Variants in SYTL3 observed in about 807,000 individuals in gnomAD.
The protein encoded by SYTL3 is synaptotagmin-like protein 3.
Under a neutral mutation model 82.1 loss-of-function variants are expected in SYTL3, and 88 were observed. The observed-to-expected ratio is 1.07, with a 90% CI of 0.90 to 1.28. SYTL3 has a LOEUF of 1.28. Ranked by LOEUF, SYTL3 falls within the 50% of genes most tolerant of loss-of-function variation. The pLI is 0.00. For missense variants in SYTL3, 831 were observed against 757.6 expected (o/e 1.10, Z -1.14); for synonymous variants, 311 against 289.4 (o/e 1.07, Z -0.76).
At chr6:158,649,652 T>A (rs1391310217), upstream of SYTL3, among the ~76,000 whole-genome samples, 1 of 152,244 alleles carries the variant, frequency 6.6e-6, no homozygotes, top group Non-Finnish European at 1.5e-5. Flanking sequence ...CCCCCTTTCT[T>A]GTAAATTATT....
chr6:158,681,055 G>C (rs1255664028), intron 5 of SYTL3, among the ~76,000 whole-genome samples: 3 of 152,148 alleles, frequency 2.0e-5, no homozygotes, highest in African/African-American at 7.2e-5. Flanking sequence ...ATTTATTTCA[G>C]TCAATACTGT....
intron 10 of SYTL3, among the ~76,000 whole-genome samples, chr6:158,724,590 A>C (rs1784488993): frequency 6.6e-6 from 1 of 152,258 alleles, no homozygotes; most frequent in South Asian, 2.1e-4. Context: ...CCAGGGCTGC[A>C]TGTGGCCATG....
intron 6 of SYTL3, among the ~76,000 whole-genome samples, chr6:158,702,428 C>T (rs1467402847): frequency 6.6e-6 from 1 of 151,366 alleles, no homozygotes; most frequent in African/African-American, 2.4e-5. Flanking sequence ...TCTCTTCTGC[C>T]TCCTGGAGGA....
intron 9 of SYTL3, among the ~76,000 whole-genome samples, chr6:158,716,468 C>T (rs975554218): frequency 3.3e-5 from 5 of 152,140 alleles, no homozygotes; most frequent in Non-Finnish European, 5.9e-5. Context: ...ACCATCTGAG[C>T]GTGTCCTTTA....
At chr6:158,695,960 G>A (rs765128472) in intron 6 of SYTL3, among the ~76,000 whole-genome samples, 1 of 152,118 alleles carries the variant, frequency 6.6e-6, no homozygotes, top group Non-Finnish European at 1.5e-5. Context: ...TCCACCTCTT[G>A]ACCATTGTGA....
intron 11 of SYTL3, among the ~76,000 whole-genome samples, chr6:158,744,338 G>C (rs537388735): frequency 5.1e-5 from 5 of 98,052 alleles, no homozygotes; most frequent in African/African-American, 2.0e-4. Flanking sequence ...ACGGAGTCTT[G>C]CTCAGTCGCC....
chr6:158,718,014 C>A, intron 9 of SYTL3, 73 bp from the exon 10 acceptor site: 2 of 1,414,306 alleles, frequency 1.4e-6, no homozygotes, highest in South Asian at 1.6e-5. Context: ...TTCAGTGAAC[C>A]CCAGAAGAGG....
chr6:158,647,023 C>T (rs113682319), upstream of SYTL3, among the ~76,000 whole-genome samples: 1 of 152,122 alleles, frequency 6.6e-6, no homozygotes, highest in Non-Finnish European at 1.5e-5. Context: ...AAGAGTAAAC[C>T]GGTTCTGAGC....
intron 16 of SYTL3, among the ~76,000 whole-genome samples, chr6:158,763,027 G>C (rs61056732): frequency 1.3e-5 from 2 of 152,208 alleles, no homozygotes; most frequent in African/African-American, 4.8e-5. Flanking sequence ...GAGATAACGT[G>C]TATCTGCAGT....
chr6:158,671,122 A>T (rs1022872681), intron 5 of SYTL3, among the ~76,000 whole-genome samples: 1 of 152,046 alleles, frequency 6.6e-6, no homozygotes, highest in African/African-American at 2.4e-5. Flanking sequence ...ACTTTTTAGA[A>T]AAAAAAAGTT....
intron 6 of SYTL3, among the ~76,000 whole-genome samples, chr6:158,689,494 T>C (rs1020918435): frequency 6.6e-6 from 1 of 152,240 alleles, no homozygotes; most frequent in Non-Finnish European, 1.5e-5. Context: ...CATGGCCTTC[T>C]TTATAATTTT....
At chr6:158,716,119 G>C (rs1659041338) in intron 9 of SYTL3, among the ~76,000 whole-genome samples, 1 of 152,192 alleles carries the variant, frequency 6.6e-6, no homozygotes, top group African/African-American at 2.4e-5. Context: ...ATGAGTGGCT[G>C]CAGCTCTGTC....
intron 12 of SYTL3, among the ~76,000 whole-genome samples, chr6:158,749,999 A>C (rs1788192257): frequency 6.6e-6 from 1 of 152,220 alleles, no homozygotes; most frequent in South Asian, 2.1e-4. Context: ...AAACTAGGAC[A>C]TAAGACAAAT....
chr6:158,751,557 G>C (rs1235743395), intron 12 of SYTL3, among the ~76,000 whole-genome samples: 1 of 152,210 alleles, frequency 6.6e-6, no homozygotes, highest in Non-Finnish European at 1.5e-5. Context: ...TTTTGCAGGT[G>C]GTGGGTGGCA....
intron 8 of SYTL3, among the ~76,000 whole-genome samples, chr6:158,709,888 A>T (rs865837591): frequency 6.6e-6 from 1 of 152,174 alleles, no homozygotes. Flanking sequence ...TAAAAAAATT[A>T]GCTGGATGTG....
chr6:158,670,904 G>A (rs184287003), intron 5 of SYTL3, among the ~76,000 whole-genome samples: 1,871 of 151,620 alleles, frequency 0.012, 43 homozygotes, highest in African/African-American at 0.043. Flanking sequence ...CTGGGTTCAC[G>A]CCATTCTCCT....
intron 11 of SYTL3, among the ~76,000 whole-genome samples, chr6:158,734,655 C>T (rs373989702): frequency 2.0e-5 from 3 of 152,170 alleles, no homozygotes; most frequent in Non-Finnish European, 2.9e-5. Flanking sequence ...CCACTCCCCC[C>T]ACCTGCTCTA....
At chr6:158,672,320 T>C (rs1777485011) in intron 5 of SYTL3, among the ~76,000 whole-genome samples, 2 of 152,108 alleles carry the variant, frequency 1.3e-5, no homozygotes. Flanking sequence ...GAGAGGACTG[T>C]GAGTGGTGTA....
rs1041073938 is a variant in SYTL3 at position 158,761,131 on chromosome 6, C to T, written c.1414+386C>T. ...TGCAGGGCTCAGACGAGATAAATCC[C>T]CGCCCCCAGGCATGTGGGTAGCTGC... is the stretch of plus-strand genomic sequence containing the variant. On this transcript the variant is annotated intron_variant, in intron 15 of 17. Transcript: ENST00000611299. Among the ~76,000 whole-genome samples the T allele has an allele frequency of 3.9e-5, 6 of 152,142 alleles. No homozygotes were observed. The South Asian group carries it at 1.0e-3, about 26-fold the overall frequency.
Sources: allele counts gnomAD v4.1 joint callset (sites outside exome capture counted in the v4.1 genomes callset), GRCh38; gene constraint gnomAD v4.1.1; transcripts MANE v1.5; gene names NCBI Gene and HGNC (gene_info 2026-07-23, HGNC 2026-07-21).